ATXN2: variants seen among roughly 807,000 people sequenced by gnomAD.
The protein encoded by ATXN2 is ataxin-2.
Under a neutral mutation model 138.6 loss-of-function variants are expected in ATXN2, and 37 were observed. That is an observed-to-expected ratio of 0.27 (90% confidence interval 0.21 to 0.35). The LOEUF (loss-of-function observed/expected upper bound fraction) is 0.35. ATXN2 is among the 10% of genes least tolerant of loss of function. The probability of loss-of-function intolerance (pLI) is 1.00; values close to 1 mark genes in which losing one functional copy is unlikely to be tolerated. For missense variants in ATXN2, 1,216 were observed against 1,480.3 expected, an observed-to-expected ratio of 0.82 and a Z score of 2.93; for synonymous variants, 549 against 543.7, an observed-to-expected ratio of 1.01 and a Z score of -0.13.
chr12:111,508,149 GATCA>G (rs1359967632), intron 14 of ATXN2, among the ~76,000 whole-genome samples: 4 of 140,108 alleles, frequency 2.9e-5, no homozygotes, highest in South Asian at 4.3e-4. Context: ...ACCCAAGAAT[GATCA>G]ATTAAAAAAA....
intron 16 of ATXN2, among the ~76,000 whole-genome samples, 198 bp downstream of exon 16, chr12:111,486,563 T>G: frequency 6.6e-6 from 1 of 152,132 alleles, no homozygotes; most frequent in East Asian, 1.9e-4. Flanking sequence ...TTGCCCAAGA[T>G]CACATCTAAT....
chr12:111,507,822 A>C (rs911973993), intron 14 of ATXN2, among the ~76,000 whole-genome samples: 16 of 152,240 alleles, frequency 1.1e-4, no homozygotes, highest in Non-Finnish European at 1.8e-4. Context: ...ACTAAGAAAG[A>C]TTCTTCTGCC....
intron 14 of ATXN2, among the ~76,000 whole-genome samples, chr12:111,489,699 A>G (rs1877893210): frequency 6.6e-6 from 1 of 152,022 alleles, no homozygotes; most frequent in South Asian, 2.1e-4. Context: ...AGACAAGCAG[A>G]CTGCTTAAGC....
In ATXN2 at chr12:111,599,268, C is replaced by T; in HGVS notation, c.-234G>A. ...GAGCCGGGCCGAAACGCGCCGCCGC[C>T]GTTGCCGTTGCTACCAAAACAGTCT... is the stretch of plus-strand genomic sequence containing the variant. On this transcript the variant is annotated 5_prime_UTR_variant, in exon 1 of 25. Transcript: ENST00000673436. 1.9e-6 allele frequency: 2 copies of T among 1,032,886 alleles called. No individual in the cohort carries two copies. Among genetic ancestry groups the T allele is most frequent in the Non-Finnish European group, 1.2e-6 (1 of 864,358 alleles). The allele number at this position is 1,032,886 out of a possible 1,614,324, so 64.0% of individuals were successfully genotyped here.
chr12:111,513,038 T>TTA (rs1752457139), intron 11 of ATXN2: 1 of 268,804 alleles, frequency 3.7e-6, no homozygotes, highest in Admixed American at 5.8e-5. Flanking sequence ...TTACAAAACT[T>TTA]TATAGTTTTA....
intron 18 of ATXN2, among the ~76,000 whole-genome samples, chr12:111,472,182 T>A (rs558958304): frequency 6.6e-6 from 1 of 152,136 alleles, no homozygotes; most frequent in African/African-American, 2.4e-5. Context: ...TGGGAGGAAC[T>A]TTTCAGCCAG....
chr12:111,452,932 C>A, intron 24 of ATXN2, 92 bp from the exon 25 acceptor site: 2 of 1,174,916 alleles, frequency 1.7e-6, no homozygotes, highest in South Asian at 1.9e-5. Context: ...AAACTATCCT[C>A]GTGCTAGCTG....
At chr12:111,592,441 A>C (rs1467067267) in intron 1 of ATXN2, among the ~76,000 whole-genome samples, 6 of 151,674 alleles carry the variant, frequency 4.0e-5, no homozygotes, top group Non-Finnish European at 7.4e-5. Context: ...GATGACCCAG[A>C]TATCCTTTGG....
At chr12:111,599,424 G>T (rs1885153998), upstream of ATXN2, 1 of 1,180,610 alleles carries the variant, frequency 8.5e-7, no homozygotes, top group East Asian at 3.8e-5. Context: ...GGCCGCTGGA[G>T]CGAGCGCCAC....
At chr12:111,488,437 A>AT in intron 15 of ATXN2, 39 bp downstream of exon 15, 1 of 1,557,752 alleles carries the variant, frequency 6.4e-7, no homozygotes, top group Non-Finnish European at 8.6e-7. Context: ...AAAAAAGTTA[A>AT]TTGAGTAACA....
chr12:111,555,114 T>C (rs368177697), intron 2 of ATXN2, among the ~76,000 whole-genome samples: 28 of 152,082 alleles, frequency 1.8e-4, no homozygotes, highest in Admixed American at 1.4e-3. Flanking sequence ...CATTCCAAAA[T>C]TTAAGACCAG....
At chr12:111,470,054 CTTAAA>C (rs1422846144) in intron 20 of ATXN2, 49 bp downstream of exon 20, 6 of 1,531,212 alleles carry the variant, frequency 3.9e-6, no homozygotes, top group Admixed American at 1.9e-5. Flanking sequence ...TTTTCAGAAA[CTTAAA>C]TTAAGAAGAG....
chr12:111,592,742 C>T (rs147220906), intron 1 of ATXN2, among the ~76,000 whole-genome samples: 2,700 of 120,324 alleles, frequency 0.022, 95 homozygotes, highest in African/African-American at 0.076. Flanking sequence ...GAGATCGTGC[C>T]ACTGCACTCC....
intron 1 of ATXN2, among the ~76,000 whole-genome samples, chr12:111,591,231 A>G (rs899622491): frequency 2.6e-5 from 4 of 152,112 alleles, no homozygotes; most frequent in Non-Finnish European, 1.5e-5. Flanking sequence ...GCCCCTATGG[A>G]AAAACCATCT....
intron 11 of ATXN2, 159 bp downstream of exon 11, chr12:111,513,198 G>T: frequency 1.3e-6 from 1 of 759,654 alleles, no homozygotes; most frequent in Non-Finnish European, 2.0e-6. Context: ...ATAAGTGGTA[G>T]AGCCCAGAAT....
chr12:111,562,513 G>C (rs932964831), intron 1 of ATXN2, among the ~76,000 whole-genome samples: 3 of 151,912 alleles, frequency 2.0e-5, no homozygotes, highest in Non-Finnish European at 4.4e-5. Flanking sequence ...CTGAGGTCGG[G>C]AGTTGGAGAC....
rs61456193 is a variant in ATXN2, at chr12:111,465,767, CAAAAAAAA to C, written c.2843-1060_2843-1053del. On this transcript the variant is annotated intron_variant, in intron 20 of 24. Transcript: ENST00000673436. ...AATGGGTGACAGAGTGAGACTACCT[CAAAAAAAA>C]AAAAAAAAAAAAAAAAAGAGTAGAT... is the stretch of plus-strand genomic sequence containing the variant. Among the ~76,000 whole-genome samples, 26 of 36,270 alleles carry C rather than the reference CAAAAAAAA, an allele frequency of 7.2e-4. No homozygotes were observed. In the East Asian group the frequency reaches 7.5e-3, roughly 11 times the overall value. The allele number at this position is 36,270 out of a possible 152,430, so 23.8% of individuals were successfully genotyped here.
intron 14 of ATXN2, among the ~76,000 whole-genome samples, chr12:111,490,974 C>T (rs1306209500): frequency 6.6e-6 from 1 of 152,028 alleles, no homozygotes; most frequent in East Asian, 1.9e-4. Flanking sequence ...ATCTGAATTT[C>T]GGGCTGGGCA....
chr12:111,596,771 A>C (rs1175055233), intron 1 of ATXN2, among the ~76,000 whole-genome samples: 1 of 152,196 alleles, frequency 6.6e-6, no homozygotes, highest in Non-Finnish European at 1.5e-5. Flanking sequence ...ATTAACCTTA[A>C]ATTGTTGTAA....
Sources: allele counts gnomAD v4.1 joint callset (sites outside exome capture counted in the v4.1 genomes callset), GRCh38; gene constraint gnomAD v4.1.1; transcripts MANE v1.5; gene names NCBI Gene and HGNC (gene_info 2026-07-23, HGNC 2026-07-21).